The following SLC34A3 variants were observed in gnomAD, a reference collection of about 807,000 sequenced individuals.
SLC34A3 encodes the protein solute carrier family 34 member 3.
SLC34A3 carries 60 observed loss-of-function variants against 43.9 expected under a neutral mutation model. The observed-to-expected ratio is 1.37, with a 90% confidence interval of 1.11 to 1.70. The LOEUF (loss-of-function observed/expected upper bound fraction) is 1.70. SLC34A3 is among the 40% of genes most tolerant of loss of function. SLC34A3 has a pLI of 0.00. For synonymous variants in SLC34A3, 451 were observed against 386.2 expected (o/e 1.17, Z -1.97); for missense variants, 969 against 823.8 (o/e 1.18, Z -2.16).
chr9:137,232,560 GC>G lies in SLC34A3; in HGVS notation c.176-12del, dbSNP rs1836283989. On this transcript the variant is annotated splice_polypyrimidine_tract_variant and intron_variant, in intron 3 of 12. Transcript: ENST00000673835. ...GTGGAGGGCCAGCCAGGGACAGCCT[GC>G]CCTGTGTCCTCAGAGCTCCGCGTGG... 2 of 1,611,410 alleles carry G rather than the reference GC, an allele frequency of 1.2e-6. No homozygotes were observed. Among genetic ancestry groups the G allele is most frequent in the African/African-American group, 2.7e-5 (2 of 74,932 alleles).
intron 12 of SLC34A3, 96 bp from the exon 13 acceptor site, chr9:137,235,856 G>A (rs1836563491): frequency 9.0e-7 from 1 of 1,114,456 alleles, no homozygotes; most frequent in Non-Finnish European, 1.4e-6. Flanking sequence ...TTCAGACTTG[G>A]CGCTCCTTCT....
chr9:137,233,425 C>G (rs747146778), intron 7 of SLC34A3, 21 bp downstream of exon 7: 1 of 1,592,606 alleles, frequency 6.3e-7, no homozygotes, highest in Non-Finnish European at 8.5e-7. Flanking sequence ...CCACCGCCCC[C>G]GCCCAGAGAG....
At chr9:137,235,310 C>G (rs191640325) in intron 12 of SLC34A3, among the ~76,000 whole-genome samples, 5 of 152,308 alleles carry the variant, frequency 3.3e-5, no homozygotes, top group Admixed American at 2.6e-4. Context: ...GGCCTGCTGC[C>G]CGGAGGCCCA....
intron 5 of SLC34A3, 34 bp from the exon 6 acceptor site, chr9:137,232,970 G>T (rs373247714): frequency 4.4e-5 from 71 of 1,607,498 alleles, no homozygotes; most frequent in Non-Finnish European, 5.5e-5. Context: ...GGGGCAGGGT[G>T]GGCCGCAGGC....
At chr9:137,233,779 T>TTGGCCCCCCCCCCCCCCCCCCCCCCCCCC in intron 8 of SLC34A3, 57 bp downstream of exon 8, 1 of 1,445,798 alleles carries the variant, frequency 6.9e-7, no homozygotes. Flanking sequence ...TGCTGAGTCA[T>TTGGCCCCCCCCCCCCCCCCCCCCCCCCCC]CCCGCCCCAC....
upstream of SLC34A3, among the ~76,000 whole-genome samples, chr9:137,230,559 G>A (rs947390251): frequency 1.3e-5 from 2 of 152,202 alleles, no homozygotes; most frequent in African/African-American, 4.8e-5. Flanking sequence ...GGCAGCCCCA[G>A]CCATACTCTA....
Position 137,232,991 on chromosome 9 carries a change from C to A in SLC34A3, c.449-13C>A. On this transcript the variant is annotated splice_polypyrimidine_tract_variant and intron_variant, in intron 5 of 12. Transcript: ENST00000673835. The stretch of plus-strand genomic sequence containing the variant: ...GGGTGGGCCGCAGGCTGACTCAGCC[C>A]CCCCACCAGCAGTGCTGACTGTCCG... 1 of 1,610,572 alleles carries A rather than the reference C, an allele frequency of 6.2e-7. No homozygotes were observed. The highest frequency in any genetic ancestry group is 8.5e-7 in the Non-Finnish European group (1 of 1,179,154).
Position 137,234,095 on chromosome 9 carries a change from TGCCCTGCCCCC to T in SLC34A3, c.926-13_926-3del. The T allele has an allele frequency of 9.3e-7, 1 of 1,070,204 alleles. No homozygotes were observed. Among genetic ancestry groups the T allele is most frequent in the South Asian group, 1.7e-5 (1 of 57,858 alleles). The allele number at this position is 1,070,204 out of a possible 1,614,324, so 66.3% of individuals were successfully genotyped here. On this transcript the variant is annotated splice_region_variant and splice_polypyrimidine_tract_variant and intron_variant, in intron 9 of 12. Coordinates refer to ENST00000673835, the MANE Select transcript of SLC34A3 (RefSeq NM_001177316.2). The surrounding 1 kb of genome is among the most constrained non-coding windows in gnomAD (Gnocchi z 6.9). Reference sequence around the variant, plus strand: ...CCCCAGGCTCCCCCTCACCTGCCCCTGCCCTGCCCCCAGGCCGCCACCTGTTTGCGGGCACG... The same window carrying T: ...CCCCAGGCTCCCCCTCACCTGCCCCTAGGCCGCCACCTGTTTGCGGGCACG...
upstream of SLC34A3, among the ~76,000 whole-genome samples, chr9:137,230,024 T>G (rs530733984): frequency 5.5e-4 from 83 of 152,092 alleles, no homozygotes; most frequent in Non-Finnish European, 1.0e-3. Context: ...ACTCAGAAGC[T>G]TCTACCTTCT....
chr9:137,229,862 C>T (rs1386757831), upstream of SLC34A3, among the ~76,000 whole-genome samples: 1 of 152,142 alleles, frequency 6.6e-6, no homozygotes, highest in Non-Finnish European at 1.5e-5. Context: ...TGGGGCCAGA[C>T]TGTGGACAGC....
At position 137,232,841 on chromosome 9, in the gene SLC34A3, G is replaced by A. The variant is rs1293509653; in HGVS notation, c.362G>A (p.Gly121Glu). The change falls in exon 5 of 13, where the codon GGA becomes GAA. Residue 121 changes from glycine (G) to glutamate (E), a missense_variant. Transcript: ENST00000673835. ...GTGGTGCTGTCCAACCCTGTGGCTG[G>A]ACTGGTCATTGGCGTGCTGGTCACA... is the stretch of plus-strand genomic sequence containing the variant. ...DNVVLSNPVA[G>E]LVIGVLVTAL... 1.2e-6 allele frequency: 2 copies of A among 1,612,904 alleles called. No individual in the cohort carries two copies. The highest frequency in any genetic ancestry group is 1.7e-5 in the Admixed American group (1 of 59,984).
In SLC34A3 at chr9:137,233,015, C is replaced by CG; in HGVS notation, c.463dup (p.Val155GlyfsTer30). On this transcript the variant is annotated frameshift_variant, in exon 6 of 13. Coordinates refer to ENST00000673835, the MANE Select transcript of SLC34A3 (RefSeq NM_001177316.2). LOFTEE classifies it high-confidence loss of function. ...CCCCCCACCAGCAGTGCTGACTGTC[C>CG]GGGTGTCTGTGCCCATCATCATGGG... 1 of 1,611,770 alleles carries CG rather than the reference C, an allele frequency of 6.2e-7. No individual in the cohort carries two copies. Among genetic ancestry groups the CG allele is most frequent in the Non-Finnish European group, 8.5e-7 (1 of 1,179,750 alleles).
Position 137,233,862 on chromosome 9 carries a change from G to A in SLC34A3, c.847-1G>A, listed in dbSNP as rs1488092418. 4 of 1,384,042 alleles carry A rather than the reference G, an allele frequency of 2.9e-6. No homozygotes were observed. Among genetic ancestry groups the A allele is most frequent in the African/African-American group, 3.2e-5 (2 of 62,392 alleles). 85.7% of individuals were successfully genotyped at this position (1,384,042 alleles called of 1,614,324 possible). A position where few individuals can be genotyped will look rare whatever the true frequency, so the allele number is the denominator to read the frequency against. On this transcript the variant is annotated splice_acceptor_variant, in intron 8 of 12. Coordinates refer to ENST00000673835, the MANE Select transcript of SLC34A3 (RefSeq NM_001177316.2). LOFTEE classifies it high-confidence loss of function. ...TCCTGAGTCCTCCCTGCCCTCCCCA[G>A]ACCCAGGAGAACAGCAGCTGTGGCG...
At position 137,232,989 on chromosome 9, in the gene SLC34A3, C is replaced by G. The variant is rs768565552; in HGVS notation, c.449-15C>G. ...CAGGGTGGGCCGCAGGCTGACTCAG[C>G]CCCCCCACCAGCAGTGCTGACTGTC... On this transcript the variant is annotated splice_polypyrimidine_tract_variant and intron_variant, in intron 5 of 12. Transcript: ENST00000673835. The G allele has an allele frequency of 6.2e-7, 1 of 1,609,148 alleles. No individual in the cohort carries two copies. Among genetic ancestry groups the G allele is most frequent in the Non-Finnish European group, 8.5e-7 (1 of 1,178,374 alleles).
rs761772866 is a variant in SLC34A3, at chr9:137,234,068, C to A, written c.926-41C>A. ...GTGAGGCCCGGCCCACCCCGGCCCA[C>A]CCCCCAGGCTCCCCCTCACCTGCCC... is the stretch of plus-strand genomic sequence containing the variant. On this transcript the variant is annotated intron_variant, in intron 9 of 12. Coordinates refer to ENST00000673835, the MANE Select transcript of SLC34A3 (RefSeq NM_001177316.2). This position sits in a 1 kb window ranked among gnomAD's most constrained non-coding sequence, Gnocchi z 6.9. 4.8e-6 allele frequency: 7 copies of A among 1,465,132 alleles called. No homozygotes were observed. The highest frequency in any genetic ancestry group is 4.6e-6 in the Non-Finnish European group (5 of 1,085,442). 90.8% of individuals were successfully genotyped at this position (1,465,132 alleles called of 1,614,324 possible).
chr9:137,234,541 G>T lies in SLC34A3; in HGVS notation c.1210+9G>T. On this transcript the variant is annotated intron_variant, in intron 11 of 12. Transcript: ENST00000673835. The surrounding 1 kb of genome is among the most constrained non-coding windows in gnomAD (Gnocchi z 6.9). ...CGTCGTGCCCCTCATGGGTGAGCAG[G>T]CAGGACAGAGGCCTCGGGAACGGGG... is the stretch of plus-strand genomic sequence containing the variant. 1 of 1,608,624 alleles carries T rather than the reference G, an allele frequency of 6.2e-7. No homozygotes were observed. The highest frequency in any genetic ancestry group is 8.5e-7 in the Non-Finnish European group (1 of 1,178,252).
intron 3 of SLC34A3, 64 bp from the exon 4 acceptor site, chr9:137,232,511 G>A (rs1007306023): frequency 5.0e-6 from 8 of 1,599,974 alleles, no homozygotes; most frequent in Middle Eastern, 1.7e-4. Flanking sequence ...GAGAATGAGG[G>A]GCCTGGGAGG....
At position 137,236,350 on chromosome 9, in the gene SLC34A3, G is replaced by A. The variant is rs1460298689; in HGVS notation, c.1734G>A (p.Pro578=). Residue 578 remains proline (P), a synonymous_variant, in exon 13 of 13, where the codon CCG becomes CCA. Coordinates refer to ENST00000673835, the MANE Select transcript of SLC34A3 (RefSeq NM_001177316.2). ...RCCPCNVCSP[P]KATTKEAYCY... ...GCCCCTGCAACGTCTGCAGCCCCCC[G>A]AAGGCCACCACCAAAGAGGCCTACT... is the stretch of plus-strand genomic sequence containing the variant. 15 of 1,540,938 alleles carry A rather than the reference G, an allele frequency of 9.7e-6. No individual in the cohort carries two copies. The highest frequency in any genetic ancestry group is 3.9e-5 in the Admixed American group (2 of 50,984).
rs543029208 is a variant in SLC34A3, at chr9:137,234,026, G to T, written c.926-83G>T. The T allele has an allele frequency of 1.3e-5, 17 of 1,283,244 alleles. No individual in the cohort carries two copies. In the South Asian group the frequency reaches 2.0e-4, roughly 15 times the overall value. 79.5% of individuals were successfully genotyped at this position (1,283,244 alleles called of 1,614,324 possible). A position where few individuals can be genotyped will look rare whatever the true frequency, so the allele number is the denominator to read the frequency against. ...ACATGGAGAGGAACAGCACAGCCCCGGCGGACAGGCTGCCCTGTGAGGCCC... is the reference window on the plus strand; with the variant it reads ...ACATGGAGAGGAACAGCACAGCCCCTGCGGACAGGCTGCCCTGTGAGGCCC... On this transcript the variant is annotated intron_variant, in intron 9 of 12. Coordinates refer to ENST00000673835, the MANE Select transcript of SLC34A3 (RefSeq NM_001177316.2). This position sits in a 1 kb window ranked among gnomAD's most constrained non-coding sequence, Gnocchi z 6.9.
Sources: gnomAD v4.1 joint callset for allele counts (sites outside exome capture counted in the v4.1 genomes callset) on GRCh38, gnomAD v4.1.1 for gene constraint, Gnocchi (gnomAD v3.1) non-coding constraint, MANE v1.5 for transcripts, NCBI Gene and HGNC (gene_info 2026-07-23, HGNC 2026-07-21) for gene names.